Variants in MAGI2 observed in about 807,000 individuals in gnomAD.
The protein encoded by MAGI2 is membrane-associated guanylate kinase, WW and PDZ domain-containing protein 2.
Under a neutral mutation model 133.3 loss-of-function variants are expected in MAGI2, and 35 were observed. That is an observed-to-expected ratio of 0.26 (90% confidence interval 0.20 to 0.35). The LOEUF is 0.35. Among genes scored for constraint, MAGI2 ranks in the 10% least tolerant of loss-of-function variants. MAGI2 has a pLI of 1.00. For missense variants in MAGI2, 1,636 were observed against 1,863.4 expected, an observed-to-expected ratio of 0.88 and a Z score of 2.25; for synonymous variants, 729 against 710.6, an observed-to-expected ratio of 1.03 and a Z score of -0.41.
chr7:79,068,134 G>A (rs980002267), intron 1 of MAGI2, among the ~76,000 whole-genome samples: 4 of 152,118 alleles, frequency 2.6e-5, no homozygotes, highest in Non-Finnish European at 4.4e-5. Flanking sequence ...TGAGTTGGGA[G>A]GATTCCCTCT....
intron 1 of MAGI2, among the ~76,000 whole-genome samples, chr7:79,254,921 A>T (rs1833576619): frequency 6.6e-6 from 1 of 152,186 alleles, no homozygotes; most frequent in Admixed American, 6.5e-5. Context: ...AATTCCATAG[A>T]AGTTCACGGG....
intron 10 of MAGI2, among the ~76,000 whole-genome samples, chr7:78,225,761 G>C (rs1037325259): frequency 2.0e-5 from 3 of 152,210 alleles, no homozygotes; most frequent in Non-Finnish European, 4.4e-5. Flanking sequence ...AGTCCAGACA[G>C]CATTCTGCGC....
chr7:79,158,178 G>T (rs944166299), intron 1 of MAGI2, among the ~76,000 whole-genome samples: 1 of 151,822 alleles, frequency 6.6e-6, no homozygotes, highest in African/African-American at 2.4e-5. Flanking sequence ...GGTGAAACAG[G>T]TTATTAAGAA....
chr7:78,020,159 G>T (rs940946055), intron 21 of MAGI2, among the ~76,000 whole-genome samples, 183 bp from the exon 22 acceptor site: 1 of 151,478 alleles, frequency 6.6e-6, no homozygotes, highest in Non-Finnish European at 1.5e-5. Flanking sequence ...CGGGGATTTG[G>T]GGGTTCCCTC....
chr7:78,293,128 A>G (rs974026710), intron 9 of MAGI2, among the ~76,000 whole-genome samples: 2 of 152,234 alleles, frequency 1.3e-5, no homozygotes, highest in Admixed American at 1.3e-4. Context: ...AAAAGAAACT[A>G]CCATCAGAGT....
intron 1 of MAGI2, among the ~76,000 whole-genome samples, chr7:79,401,530 G>A (rs1173044554): frequency 2.0e-5 from 3 of 152,092 alleles, no homozygotes; most frequent in African/African-American, 7.2e-5. Flanking sequence ...TTGGAAAAAA[G>A]GCACATGCCC....
chr7:78,159,805 T>G, intron 16 of MAGI2: 2 of 403,634 alleles, frequency 5.0e-6, no homozygotes, highest in Non-Finnish European at 8.6e-6. Flanking sequence ...GTGGAGGAGT[T>G]GAGGGCATTA....
At chr7:78,582,305 G>A (rs1802916844) in intron 3 of MAGI2, among the ~76,000 whole-genome samples, 1 of 152,168 alleles carries the variant, frequency 6.6e-6, no homozygotes, top group Non-Finnish European at 1.5e-5. Context: ...GAAGGAGAAT[G>A]GGAAACATCT....
intron 1 of MAGI2, among the ~76,000 whole-genome samples, chr7:79,121,664 G>A (rs1170309415): frequency 6.6e-6 from 1 of 151,872 alleles, no homozygotes; most frequent in African/African-American, 2.4e-5. Context: ...CATGTTTTTA[G>A]GTTAAAGATC....
intron 1 of MAGI2, among the ~76,000 whole-genome samples, chr7:79,376,316 G>A (rs1843378646): frequency 6.6e-6 from 1 of 151,820 alleles, no homozygotes; most frequent in South Asian, 2.1e-4. Context: ...TACACTGTAA[G>A]AAAAGTTATA....
intron 1 of MAGI2, among the ~76,000 whole-genome samples, chr7:79,428,826 C>T (rs562306100): frequency 1.2e-4 from 18 of 152,052 alleles, no homozygotes; most frequent in Non-Finnish European, 2.2e-4. Flanking sequence ...TCATTGTTCT[C>T]ATTTGCTGAA....
intron 1 of MAGI2, among the ~76,000 whole-genome samples, chr7:79,011,511 A>G (rs1054174623): frequency 6.6e-6 from 1 of 152,146 alleles, no homozygotes; most frequent in Non-Finnish European, 1.5e-5. Context: ...AGACATGACC[A>G]TCAGCTCAAC....
At chr7:79,025,539 G>C (rs1809801429) in intron 1 of MAGI2, among the ~76,000 whole-genome samples, 1 of 152,156 alleles carries the variant, frequency 6.6e-6, no homozygotes, top group South Asian at 2.1e-4. Context: ...GTGTTTGTGT[G>C]CATGCATGCA....
At chr7:78,336,258 G>A (rs1200252896) in intron 9 of MAGI2, among the ~76,000 whole-genome samples, 1 of 152,138 alleles carries the variant, frequency 6.6e-6, no homozygotes, top group Non-Finnish European at 1.5e-5. Flanking sequence ...TAGAAACCTG[G>A]AATCAGTAGG....
intron 2 of MAGI2, among the ~76,000 whole-genome samples, chr7:79,000,897 C>T (rs1806790351): frequency 6.6e-6 from 1 of 152,118 alleles, no homozygotes; most frequent in Admixed American, 6.6e-5. Flanking sequence ...TAATTTCTTT[C>T]ATATCCCAAA....
At chr7:78,570,363 G>C (rs1208815700) in intron 3 of MAGI2, among the ~76,000 whole-genome samples, 1 of 152,154 alleles carries the variant, frequency 6.6e-6, no homozygotes, top group Non-Finnish European at 1.5e-5. Flanking sequence ...CATCTAGACA[G>C]ACCAGGGTTC....
chr7:78,600,107 A>G (rs319871), intron 3 of MAGI2, among the ~76,000 whole-genome samples: 22,894 of 152,124 alleles, frequency 0.15, 2,315 homozygotes, highest in Non-Finnish European at 0.23. Flanking sequence ...CTTTTTGTAA[A>G]TATCTCCATA....
chr7:78,036,387 A>G (rs1295130847), intron 21 of MAGI2, among the ~76,000 whole-genome samples: 2 of 125,768 alleles, frequency 1.6e-5, no homozygotes, highest in Admixed American at 9.2e-5. Flanking sequence ...TTTTTGGCAT[A>G]TAGTAAGCAC....
intron 9 of MAGI2, among the ~76,000 whole-genome samples, chr7:78,330,935 T>C (rs533075481): frequency 6.6e-6 from 1 of 152,134 alleles, no homozygotes; most frequent in Non-Finnish European, 1.5e-5. Flanking sequence ...TCTGACATTG[T>C]CTATAAGAGT....
Sources: gnomAD v4.1 joint callset for allele counts (sites outside exome capture counted in the v4.1 genomes callset) on GRCh38, gnomAD v4.1.1 for gene constraint, MANE v1.5 for transcripts, NCBI Gene and HGNC (gene_info 2026-07-23, HGNC 2026-07-21) for gene names.